Variants in NCAM2 observed in about 807,000 individuals in gnomAD.
The protein encoded by NCAM2 is neural cell adhesion molecule 2.
A neutral mutation model predicts 98.1 loss-of-function variants in NCAM2; 30 were observed. That is an observed-to-expected ratio of 0.31 (90% CI 0.23 to 0.41). NCAM2 has a LOEUF of 0.41. NCAM2 is among the 10% of genes least tolerant of loss of function. The probability of loss-of-function intolerance (pLI) is 1.00; values close to 1 mark genes in which losing one functional copy is unlikely to be tolerated. For missense variants in NCAM2, 867 were observed against 1,005.8 expected (o/e 0.86, Z 1.87); for synonymous variants, 368 against 342.4 (o/e 1.07, Z -0.83).
chr21:21,259,459 CT>C (rs35387981), intron 1 of NCAM2, among the ~76,000 whole-genome samples: 150,990 of 152,138 alleles, frequency 0.99, 74,931 homozygotes, highest in East Asian at 1. Flanking sequence ...AGCCCCTTCT[CT>C]TGAGACCTCA....
chr21:21,317,761 C>T (rs772590447), intron 5 of NCAM2, among the ~76,000 whole-genome samples: 3 of 152,068 alleles, frequency 2.0e-5, no homozygotes, highest in Non-Finnish European at 4.4e-5. Context: ...TCTCAATCTC[C>T]TGGGCTCAGG....
intron 7 of NCAM2, among the ~76,000 whole-genome samples, chr21:21,336,422 G>T (rs548117113): frequency 6.6e-6 from 1 of 151,848 alleles, no homozygotes; most frequent in Non-Finnish European, 1.5e-5. Context: ...TTGTGGGGTG[G>T]GGGGAGTGGG....
At chr21:21,165,112 G>C (rs181903362) in intron 1 of NCAM2, among the ~76,000 whole-genome samples, 5 of 152,226 alleles carry the variant, frequency 3.3e-5, no homozygotes, top group Non-Finnish European at 5.9e-5. Flanking sequence ...TATGGATACT[G>C]TTCATTCAGG....
At chr21:21,178,858 T>C (rs1245279548) in intron 1 of NCAM2, among the ~76,000 whole-genome samples, 1 of 152,104 alleles carries the variant, frequency 6.6e-6, no homozygotes, top group East Asian at 1.9e-4. Context: ...AGCTTCAGGC[T>C]TGAAGAGACT....
At chr21:21,022,980 G>T (rs1364496102) in intron 1 of NCAM2, among the ~76,000 whole-genome samples, 1 of 152,006 alleles carries the variant, frequency 6.6e-6, no homozygotes, top group Non-Finnish European at 1.5e-5. Flanking sequence ...ACTTTAAAAT[G>T]AGTTAATATT....
At chr21:21,436,788 G>A (rs2146055529) in intron 12 of NCAM2, among the ~76,000 whole-genome samples, 1 of 146,656 alleles carries the variant, frequency 6.8e-6, no homozygotes, top group East Asian at 2.0e-4. Flanking sequence ...TTTTGAGACA[G>A]AATCTTGCTC....
chr21:21,369,132 C>G (rs117925828), intron 8 of NCAM2, among the ~76,000 whole-genome samples: 1 of 131,386 alleles, frequency 7.6e-6, no homozygotes, highest in South Asian at 2.7e-4. Context: ...TCCCATTCCC[C>G]TTGCCTGCCC....
chr21:21,293,802 G>A (rs2073380321), intron 5 of NCAM2, among the ~76,000 whole-genome samples: 1 of 151,580 alleles, frequency 6.6e-6, no homozygotes. Context: ...GATTTATGAT[G>A]AAATATGTAA....
intron 1 of NCAM2, among the ~76,000 whole-genome samples, chr21:21,254,646 A>G (rs973454410): frequency 2.0e-5 from 3 of 152,150 alleles, no homozygotes; most frequent in Non-Finnish European, 2.9e-5. Context: ...TGGCCCTATG[A>G]TATTATGAAG....
At chr21:21,193,240 G>C (rs1555822415) in intron 1 of NCAM2, among the ~76,000 whole-genome samples, 1 of 151,502 alleles carries the variant, frequency 6.6e-6, no homozygotes, top group Admixed American at 6.6e-5. Context: ...AGGATTATAG[G>C]TATGCAATAT....
intron 6 of NCAM2, among the ~76,000 whole-genome samples, chr21:21,331,506 ACTCT>A (rs149944110): frequency 0.011 from 51 of 4,640 alleles, 4 homozygotes; most frequent in South Asian, 0.029. Context: ...TATACTCTAT[ACTCT>A]CTCTCTCTAT....
rs561336545 is a variant in NCAM2 at position 21,081,795 on chromosome 21, C to T, written c.55+83177C>T. Among the ~76,000 whole-genome samples the T allele has an allele frequency of 1.8e-4, 27 of 151,312 alleles. No homozygotes were observed. The Middle Eastern group carries it at 0.01, about 58-fold the overall frequency. ...CAGCCAGGGTGGCAGAATGAGACTCCCTCTCAAAGAAAAAGAAAAAAAAAG... is the reference window on the plus strand; with the variant it reads ...CAGCCAGGGTGGCAGAATGAGACTCTCTCTCAAAGAAAAAGAAAAAAAAAG... On this transcript the variant is annotated intron_variant, in intron 1 of 17. Transcript: ENST00000400546.
At chr21:21,093,707 A>G (rs1268282010) in intron 1 of NCAM2, among the ~76,000 whole-genome samples, 1 of 152,032 alleles carries the variant, frequency 6.6e-6, no homozygotes, top group Non-Finnish European at 1.5e-5. Flanking sequence ...GTGAAGTCAT[A>G]AGCATCTTAA....
intron 1 of NCAM2, among the ~76,000 whole-genome samples, chr21:21,234,052 C>T (rs1030849498): frequency 1.3e-5 from 2 of 151,626 alleles, no homozygotes; most frequent in South Asian, 2.1e-4. Flanking sequence ...GTCATATACT[C>T]CAGTGACAAA....
chr21:21,118,111 C>T (rs116131082), intron 1 of NCAM2, among the ~76,000 whole-genome samples: 72 of 152,280 alleles, frequency 4.7e-4, no homozygotes, highest in African/African-American at 1.5e-3. Flanking sequence ...TGCTCAAGCA[C>T]CTACCTAGAC....
intron 16 of NCAM2, among the ~76,000 whole-genome samples, chr21:21,510,531 T>G (rs1002996002): frequency 6.6e-6 from 1 of 152,144 alleles, no homozygotes; most frequent in Non-Finnish European, 1.5e-5. Context: ...TTTTTATTGT[T>G]GAATCATTTA....
At chr21:21,291,573 A>C (rs2073296468) in intron 4 of NCAM2, among the ~76,000 whole-genome samples, 1 of 151,886 alleles carries the variant, frequency 6.6e-6, no homozygotes, top group South Asian at 2.1e-4. Flanking sequence ...TAGCCAAAAA[A>C]ATCCCTTGAA....
intron 9 of NCAM2, among the ~76,000 whole-genome samples, chr21:21,401,237 T>C: frequency 6.6e-6 from 1 of 152,300 alleles, no homozygotes; most frequent in East Asian, 1.9e-4. Context: ...TATTTATGGG[T>C]CACAGTGTGA....
intron 8 of NCAM2, among the ~76,000 whole-genome samples, chr21:21,341,435 A>G (rs953877537): frequency 1.3e-5 from 2 of 152,286 alleles, no homozygotes; most frequent in Non-Finnish European, 2.9e-5. Flanking sequence ...GAAAATTAAC[A>G]GCTAATATTT....
Sources: allele counts gnomAD v4.1 joint callset (sites outside exome capture counted in the v4.1 genomes callset), GRCh38; gene constraint gnomAD v4.1.1; transcripts MANE v1.5; gene names NCBI Gene and HGNC (gene_info 2026-07-23, HGNC 2026-07-21).